Variants in FCRL1 observed in about 807,000 individuals in gnomAD.
FCRL1 encodes Fc receptor-like protein 1.
Under a neutral mutation model 49.2 loss-of-function variants are expected in FCRL1, and 34 were observed. That is an observed-to-expected ratio of 0.69 (90% CI 0.53 to 0.92). The LOEUF (loss-of-function observed/expected upper bound fraction) is 0.92. Ranked by LOEUF, FCRL1 falls within the 40% of genes least tolerant of loss-of-function variation. The probability of loss-of-function intolerance (pLI) is 0.00; values close to 1 mark genes in which losing one functional copy is unlikely to be tolerated. For synonymous variants in FCRL1, 218 were observed against 201.6 expected, an observed-to-expected ratio of 1.08 and a Z score of -0.69; for missense variants, 524 against 524.1, an observed-to-expected ratio of 1.00 and a Z score of 0.00.
At chr1:157,816,569 A>G (rs1277947692) in intron 1 of FCRL1, among the ~76,000 whole-genome samples, 1 of 151,870 alleles carries the variant, frequency 6.6e-6, no homozygotes, top group Non-Finnish European at 1.5e-5. Context: ...TCTATTTAAC[A>G]TAATAATTGA....
intron 1 of FCRL1, among the ~76,000 whole-genome samples, chr1:157,818,599 C>T (rs1036712310): frequency 6.6e-6 from 1 of 151,784 alleles, no homozygotes; most frequent in Non-Finnish European, 1.5e-5. Context: ...TATAGAGAGA[C>T]AGAAAGTAGA....
chr1:157,797,692 C>G, intron 9 of FCRL1, 176 bp downstream of exon 9: 1 of 1,489,062 alleles, frequency 6.7e-7, no homozygotes, highest in Non-Finnish European at 9.2e-7. Flanking sequence ...TTAGCATTAG[C>G]TCTGGGCTCT....
chr1:157,803,700 A>G, intron 3 of FCRL1, 145 bp downstream of exon 3: 1 of 979,324 alleles, frequency 1.0e-6, no homozygotes, highest in South Asian at 1.7e-5. Flanking sequence ...AAGATCCCTT[A>G]AGGATCCTAA....
chr1:157,806,015 C>T (rs1473006078), intron 2 of FCRL1, among the ~76,000 whole-genome samples: 2 of 152,208 alleles, frequency 1.3e-5, no homozygotes, highest in Non-Finnish European at 2.9e-5. Flanking sequence ...CTCAGTCTTA[C>T]AGCTCAGAGC....
At chr1:157,799,336 G>A (rs1652054967) in intron 7 of FCRL1, among the ~76,000 whole-genome samples, 1 of 152,084 alleles carries the variant, frequency 6.6e-6, no homozygotes, top group Non-Finnish European at 1.5e-5. Context: ...GGTCAGTATG[G>A]CCATTTTCAC....
intron 9 of FCRL1, chr1:157,797,657 C>G (rs1007365913): frequency 7.8e-7 from 1 of 1,285,042 alleles, no homozygotes; most frequent in African/African-American, 1.5e-5. Flanking sequence ...ATTTGACAGC[C>G]CATCCCCAGG....
chr1:157,819,490 AG>A (rs993322615), intron 1 of FCRL1, among the ~76,000 whole-genome samples: 2 of 152,140 alleles, frequency 1.3e-5, no homozygotes, highest in Non-Finnish European at 2.9e-5. Flanking sequence ...ATGGAAAAGT[AG>A]CCCTGGGGTA....
At chr1:157,797,080 A>G in intron 10 of FCRL1, 21 bp downstream of exon 10, 1 of 1,612,506 alleles carries the variant, frequency 6.2e-7, no homozygotes. Flanking sequence ...ACATGGAAGA[A>G]AGAACAATAG....
chr1:157,803,118 T>C (rs1422453343), intron 3 of FCRL1, among the ~76,000 whole-genome samples: 1 of 152,178 alleles, frequency 6.6e-6, no homozygotes, highest in Admixed American at 6.5e-5. Context: ...TCTCCTGCAG[T>C]TGGAGGGTTC....
At chr1:157,799,689 C>T (rs1264123289) in intron 7 of FCRL1, among the ~76,000 whole-genome samples, 3 of 151,386 alleles carry the variant, frequency 2.0e-5, no homozygotes, top group Non-Finnish European at 4.4e-5. Context: ...ATACCTAATG[C>T]TAAATGACGA....
chr1:157,804,256 C>CCCA (rs1553215528), intron 2 of FCRL1, 145 bp from the exon 3 acceptor site: 16 of 902,220 alleles, frequency 1.8e-5, no homozygotes, highest in Non-Finnish European at 2.4e-5. Context: ...ACCCCCCCCC[C>CCCA]AGTGGCCCAT....
At chr1:157,807,418 G>T (rs962657954) in intron 1 of FCRL1, among the ~76,000 whole-genome samples, 3 of 152,042 alleles carry the variant, frequency 2.0e-5, no homozygotes, top group African/African-American at 7.2e-5. Flanking sequence ...TCTTTTTTAT[G>T]ATCACAAAGT....
chr1:157,812,258 G>T (rs906192235), intron 1 of FCRL1, among the ~76,000 whole-genome samples: 3 of 152,166 alleles, frequency 2.0e-5, no homozygotes, highest in Non-Finnish European at 2.9e-5. Flanking sequence ...TCCTTGGTGT[G>T]ATGGTGTGAT....
At chr1:157,809,791 G>T (rs1022203299) in intron 1 of FCRL1, among the ~76,000 whole-genome samples, 4 of 152,106 alleles carry the variant, frequency 2.6e-5, no homozygotes, top group African/African-American at 7.2e-5. Flanking sequence ...GAGTGTGGTT[G>T]CATGTGTCTC....
intron 7 of FCRL1, among the ~76,000 whole-genome samples, chr1:157,799,552 G>A (rs1652081092): frequency 6.6e-6 from 1 of 151,850 alleles, no homozygotes; most frequent in Non-Finnish European, 1.5e-5. Context: ...TCTGTTATTG[G>A]TGTATAAGAA....
chr1:157,806,446 C>T (rs1295876171), intron 2 of FCRL1, among the ~76,000 whole-genome samples: 4 of 152,094 alleles, frequency 2.6e-5, no homozygotes, highest in Non-Finnish European at 4.4e-5. Flanking sequence ...AAGAGTCCTT[C>T]GTGGGGAAAG....
intron 1 of FCRL1, 98 bp from the exon 2 acceptor site, chr1:157,807,220 A>C: frequency 7.8e-7 from 1 of 1,274,948 alleles, no homozygotes; most frequent in Non-Finnish European, 1.1e-6. Flanking sequence ...CACACCCTCC[A>C]TCCCCTGGAC....
Position 157,795,959 on chromosome 1 carries a change from A to G in FCRL1, c.*140T>C, listed in dbSNP as rs1268166705. 8 of 721,118 alleles carry G rather than the reference A, an allele frequency of 1.1e-5. No homozygotes were observed. In the East Asian group the frequency reaches 1.7e-4, roughly 16 times the overall value. The allele number at this position is 721,118 out of a possible 1,614,324, so 44.7% of individuals were successfully genotyped here. ...GGCTGCGCCAACTTCACTTCACAGT[A>G]GATGAAGGAATAGTGCCATGGAGAA... On this transcript the variant is annotated 3_prime_UTR_variant, in exon 11 of 11. Coordinates refer to ENST00000368176, the MANE Select transcript of FCRL1 (RefSeq NM_052938.5).
At position 157,794,598 on chromosome 1, in the gene FCRL1, T is replaced by C. The variant is rs1468943941; in HGVS notation, c.*1501A>G. 1 of 152,216 alleles carries C rather than the reference T, an allele frequency of 6.6e-6. No individual in the cohort carries two copies. The highest frequency in any genetic ancestry group is 1.5e-5 in the Non-Finnish European group (1 of 68,034). 9.4% of individuals were successfully genotyped at this position (152,216 alleles called of 1,614,324 possible). A position where few individuals can be genotyped will look rare whatever the true frequency, so the allele number is the denominator to read the frequency against. On this transcript the variant is annotated 3_prime_UTR_variant, in exon 11 of 11. Transcript: ENST00000368176. ...CAATACTAGATTTACAAATTTATCC[T>C]TCAGATAATCCAGCAGGAGTGCCAT...
Sources: allele counts gnomAD v4.1 joint callset (sites outside exome capture counted in the v4.1 genomes callset), GRCh38; gene constraint gnomAD v4.1.1; transcripts MANE v1.5; gene names NCBI Gene and HGNC (gene_info 2026-07-23, HGNC 2026-07-21).